Variants in ZCWPW2 observed in about 807,000 individuals in gnomAD.
ZCWPW2 encodes zinc finger CW-type PWWP domain protein 2.
A neutral mutation model predicts 46.6 loss-of-function variants in ZCWPW2; 45 were observed. The ratio of observed to expected loss-of-function variants is 0.96; its 90% CI spans 0.76 to 1.24. ZCWPW2 has a LOEUF of 1.24. ZCWPW2 is among the 50% of genes most tolerant of loss of function. The probability of loss-of-function intolerance (pLI) is 0.00; values close to 1 mark genes in which losing one functional copy is unlikely to be tolerated. For synonymous variants in ZCWPW2, 152 were observed against 137.1 expected (o/e 1.11, Z -0.76); for missense variants, 429 against 403.9 (o/e 1.06, Z -0.53).
intron 8 of ZCWPW2, among the ~76,000 whole-genome samples, chr3:28,519,878 T>G (rs550376449): frequency 6.6e-6 from 1 of 152,290 alleles, no homozygotes; most frequent in African/African-American, 2.4e-5. Context: ...TTTATTTAAG[T>G]CAAGAACTCA....
chr3:28,412,138 T>C (rs1696425237), intron 2 of ZCWPW2, among the ~76,000 whole-genome samples: 1 of 151,964 alleles, frequency 6.6e-6, no homozygotes, highest in Non-Finnish European at 1.5e-5. Context: ...GTATGGTACA[T>C]TAGTCTTTTT....
chr3:28,505,373 G>C (rs1357727304), intron 6 of ZCWPW2, among the ~76,000 whole-genome samples: 1 of 152,128 alleles, frequency 6.6e-6, no homozygotes, highest in African/African-American at 2.4e-5. Flanking sequence ...AGGTTGACTA[G>C]ACTGGAGCAT....
intron 6 of ZCWPW2, among the ~76,000 whole-genome samples, chr3:28,499,162 C>T (rs1575212239): frequency 6.6e-6 from 1 of 152,114 alleles, no homozygotes; most frequent in South Asian, 2.1e-4. Flanking sequence ...GGTATATACC[C>T]AGTACTGGGA....
chr3:28,373,649 T>C (rs1171754960), intron 1 of ZCWPW2, among the ~76,000 whole-genome samples: 1 of 151,972 alleles, frequency 6.6e-6, no homozygotes, highest in Non-Finnish European at 1.5e-5. Context: ...CTAATTTTTG[T>C]ATTTTTGGTA....
chr3:28,397,940 A>G (rs948697703), intron 2 of ZCWPW2: 2 of 152,186 alleles, frequency 1.3e-5, no homozygotes, highest in Non-Finnish European at 1.5e-5. Flanking sequence ...TGAAGTTCTC[A>G]TTATGTTTTG....
chr3:28,439,096 T>C (rs1433743491), intron 4 of ZCWPW2, among the ~76,000 whole-genome samples: 4 of 143,910 alleles, frequency 2.8e-5, no homozygotes, highest in Admixed American at 6.9e-5. Context: ...TACACATATA[T>C]ACACACACAC....
chr3:28,372,492 A>T (rs576036753), intron 1 of ZCWPW2, among the ~76,000 whole-genome samples: 2 of 152,318 alleles, frequency 1.3e-5, no homozygotes, highest in South Asian at 4.2e-4. Context: ...AGAAAGGTTT[A>T]AAAAGTGCCT....
chr3:28,475,199 A>G (rs1008991602), intron 4 of ZCWPW2, among the ~76,000 whole-genome samples: 10 of 152,182 alleles, frequency 6.6e-5, no homozygotes, highest in African/African-American at 1.7e-4. Flanking sequence ...TCATCTCAGT[A>G]GAGAGCAAAT....
At chr3:28,417,128 A>C (rs1426743096) in intron 3 of ZCWPW2, among the ~76,000 whole-genome samples, 2 of 151,558 alleles carry the variant, frequency 1.3e-5, no homozygotes, top group East Asian at 3.9e-4. Context: ...AGAAGAAAAG[A>C]CAAAGGGGAT....
At chr3:28,401,366 A>C (rs13082064) in intron 2 of ZCWPW2, among the ~76,000 whole-genome samples, 82,560 of 151,860 alleles carry the variant, frequency 0.54, 22,966 homozygotes, top group African/African-American at 0.6. Flanking sequence ...CTATCTGCTG[A>C]CTTCAAGAGA....
chr3:28,466,270 A>G (rs1167995779), intron 4 of ZCWPW2, among the ~76,000 whole-genome samples: 2 of 152,182 alleles, frequency 1.3e-5, no homozygotes, highest in Admixed American at 1.3e-4. Context: ...TAATCTGTAC[A>G]CCAAACCCAC....
chr3:28,399,961 A>G (rs1373171228), intron 2 of ZCWPW2, among the ~76,000 whole-genome samples: 2 of 152,202 alleles, frequency 1.3e-5, no homozygotes, highest in Non-Finnish European at 2.9e-5. Flanking sequence ...AGAATACAGG[A>G]GGTTAGTTAT....
At chr3:28,380,258 A>G (rs1013996266) in intron 1 of ZCWPW2, among the ~76,000 whole-genome samples, 9 of 152,134 alleles carry the variant, frequency 5.9e-5, no homozygotes, top group Non-Finnish European at 1.2e-4. Flanking sequence ...TGCTGGGATT[A>G]CAGGCATGAG....
intron 5 of ZCWPW2, among the ~76,000 whole-genome samples, chr3:28,481,331 C>T (rs1274907207): frequency 6.6e-6 from 1 of 152,144 alleles, no homozygotes; most frequent in Admixed American, 6.5e-5. Context: ...GCAACCTCCG[C>T]CTCCTGGGTT....
At chr3:28,519,016 C>T (rs1700652159) in intron 8 of ZCWPW2, among the ~76,000 whole-genome samples, 1 of 152,188 alleles carries the variant, frequency 6.6e-6, no homozygotes, top group African/African-American at 2.4e-5. Flanking sequence ...TTTAAATAAA[C>T]TCCCCAGGTG....
intron 3 of ZCWPW2, among the ~76,000 whole-genome samples, chr3:28,431,775 G>A (rs552587255): frequency 2.4e-4 from 37 of 152,070 alleles, no homozygotes; most frequent in South Asian, 2.1e-3. Flanking sequence ...GTCTAGATAC[G>A]TGCTTGGTGC....
At chr3:28,353,565 CTT>C (rs1365980082) in intron 1 of ZCWPW2, among the ~76,000 whole-genome samples, 3 of 152,206 alleles carry the variant, frequency 2.0e-5, no homozygotes, top group African/African-American at 7.2e-5. Flanking sequence ...GAAATTATGA[CTT>C]TGACTCCAGC....
intron 4 of ZCWPW2, among the ~76,000 whole-genome samples, chr3:28,460,090 T>C (rs1245979367): frequency 6.6e-6 from 1 of 152,114 alleles, no homozygotes; most frequent in Non-Finnish European, 1.5e-5. Context: ...TCTGTCTTGA[T>C]ATTTTCCAAT....
chr3:28,445,946 G>T (rs1274437638), intron 4 of ZCWPW2, among the ~76,000 whole-genome samples: 1 of 152,070 alleles, frequency 6.6e-6, no homozygotes, highest in African/African-American at 2.4e-5. Context: ...AAGATATTTT[G>T]ATTAATAAGA....
Sources: gnomAD v4.1 joint callset for allele counts (sites outside exome capture counted in the v4.1 genomes callset) on GRCh38, gnomAD v4.1.1 for gene constraint, MANE v1.5 for transcripts, NCBI Gene and HGNC (gene_info 2026-07-23, HGNC 2026-07-21) for gene names.